Variants in RGS17 observed in about 807,000 individuals in gnomAD.
RGS17 encodes regulator of G-protein signaling 17.
In RGS17, 12 loss-of-function variants were observed where a neutral mutation model predicts 25.5. The observed-to-expected ratio is 0.47, with a 90% confidence interval of 0.30 to 0.76. The LOEUF is 0.76. Among genes scored for constraint, RGS17 ranks in the 30% least tolerant of loss-of-function variants. The probability of loss-of-function intolerance (pLI) is 0.07; values close to 1 mark genes in which losing one functional copy is unlikely to be tolerated. For missense variants in RGS17, 196 were observed against 242.2 expected (o/e 0.81, Z 1.27); for synonymous variants, 71 against 76.9 (o/e 0.92, Z 0.40).
chr6:153,067,266 C>T (rs1348738345), intron 1 of RGS17, among the ~76,000 whole-genome samples: 2 of 151,996 alleles, frequency 1.3e-5, no homozygotes, highest in African/African-American at 2.4e-5. Context: ...CAAGGATGCA[C>T]ATTTTAACCA....
At chr6:153,013,303 C>G (rs1269564828) in intron 4 of RGS17, among the ~76,000 whole-genome samples, 1 of 152,134 alleles carries the variant, frequency 6.6e-6, no homozygotes, top group African/African-American at 2.4e-5. Flanking sequence ...AGGCCATGAA[C>G]CATGCCCATA....
intron 4 of RGS17, among the ~76,000 whole-genome samples, chr6:153,018,457 T>C (rs1178512126): frequency 6.6e-6 from 1 of 152,186 alleles, no homozygotes; most frequent in Non-Finnish European, 1.5e-5. Flanking sequence ...GAAAGATTGT[T>C]GTGAGACTCA....
chr6:153,087,899 C>G (rs1249704909), intron 1 of RGS17, among the ~76,000 whole-genome samples: 2 of 152,194 alleles, frequency 1.3e-5, no homozygotes, highest in African/African-American at 4.8e-5. Context: ...AATGTATAAT[C>G]CTCTCCCCTT....
intron 1 of RGS17, among the ~76,000 whole-genome samples, chr6:153,083,078 T>G (rs1383604790): frequency 3.9e-5 from 6 of 152,152 alleles, no homozygotes. Context: ...AGAATTTCAC[T>G]TTTACATTCA....
chr6:153,029,301 G>T (rs970434342), intron 2 of RGS17, among the ~76,000 whole-genome samples: 4 of 152,108 alleles, frequency 2.6e-5, no homozygotes, highest in Non-Finnish European at 5.9e-5. Flanking sequence ...GGGTTTCAAG[G>T]TTTCAGTTAT....
At chr6:153,075,722 G>C (rs1776866870) in intron 1 of RGS17, among the ~76,000 whole-genome samples, 2 of 152,090 alleles carry the variant, frequency 1.3e-5, no homozygotes, top group South Asian at 4.1e-4. Flanking sequence ...AAATGAGAAA[G>C]ATCTCTATAA....
intron 1 of RGS17, among the ~76,000 whole-genome samples, chr6:153,115,109 G>C (rs1777524941): frequency 6.6e-6 from 1 of 152,120 alleles, no homozygotes; most frequent in Admixed American, 6.6e-5. Context: ...AAAAATAAAG[G>C]ATATTCATAT....
chr6:153,128,920 G>C (rs1394252342), intron 1 of RGS17, among the ~76,000 whole-genome samples: 1 of 152,080 alleles, frequency 6.6e-6, no homozygotes, highest in African/African-American at 2.4e-5. Flanking sequence ...GGGACTAAAC[G>C]CCAAGGAGTA....
chr6:153,071,202 C>T (rs1278085243), intron 1 of RGS17, among the ~76,000 whole-genome samples: 1 of 150,256 alleles, frequency 6.7e-6, no homozygotes, highest in Non-Finnish European at 1.5e-5. Context: ...AATATATATA[C>T]ACACAGTCTA....
intron 1 of RGS17, among the ~76,000 whole-genome samples, chr6:153,128,767 C>A (rs901308709): frequency 6.6e-6 from 1 of 151,922 alleles, no homozygotes; most frequent in Admixed American, 6.6e-5. Context: ...GAACTTAGAC[C>A]TTAAACATGA....
intron 4 of RGS17, among the ~76,000 whole-genome samples, chr6:153,013,160 C>T (rs1172484175): frequency 6.6e-6 from 1 of 152,184 alleles, no homozygotes; most frequent in Non-Finnish European, 1.5e-5. Flanking sequence ...TTTCCAATAG[C>T]GTGTGCTCAC....
intron 1 of RGS17, among the ~76,000 whole-genome samples, chr6:153,048,352 T>C (rs1584133130): frequency 6.6e-6 from 1 of 152,162 alleles, no homozygotes; most frequent in East Asian, 1.9e-4. Context: ...TCTTAACTGG[T>C]ATCTGCTACC....
At chr6:153,105,206 T>A (rs1204876832) in intron 1 of RGS17, among the ~76,000 whole-genome samples, 2 of 151,840 alleles carry the variant, frequency 1.3e-5, no homozygotes, top group Non-Finnish European at 2.9e-5. Context: ...GTCCTAGGCA[T>A]CCCAAATACG....
chr6:153,052,081 G>A (rs1228580878), intron 1 of RGS17, among the ~76,000 whole-genome samples: 1 of 152,170 alleles, frequency 6.6e-6, no homozygotes, highest in Non-Finnish European at 1.5e-5. Flanking sequence ...GTTGCAAAGG[G>A]TGGAGGAAGA....
intron 1 of RGS17, among the ~76,000 whole-genome samples, chr6:153,069,605 A>G (rs1327585956): frequency 6.6e-6 from 1 of 152,170 alleles, no homozygotes; most frequent in African/African-American, 2.4e-5. Flanking sequence ...TAAAATCACT[A>G]AAAGAGTATA....
chr6:153,092,797 T>C (rs531878103), intron 1 of RGS17, among the ~76,000 whole-genome samples: 152 of 152,338 alleles, frequency 1.0e-3, no homozygotes, highest in Non-Finnish European at 6.3e-4. Context: ...GTTTTGCTGT[T>C]GTGCATCCTT....
At chr6:153,091,105 G>T (rs1777124202) in intron 1 of RGS17, among the ~76,000 whole-genome samples, 2 of 152,108 alleles carry the variant, frequency 1.3e-5, no homozygotes, top group Admixed American at 1.3e-4. Flanking sequence ...TTTGGAATTT[G>T]CATTTCCTTA....
chr6:153,098,311 G>A (rs1200052098), intron 1 of RGS17, among the ~76,000 whole-genome samples: 1 of 152,090 alleles, frequency 6.6e-6, no homozygotes, highest in African/African-American at 2.4e-5. Flanking sequence ...TTTCCATGAT[G>A]ACCAACTAAT....
At chr6:153,052,517 C>A (rs775948192) in intron 1 of RGS17, among the ~76,000 whole-genome samples, 1 of 151,768 alleles carries the variant, frequency 6.6e-6, no homozygotes, top group Non-Finnish European at 1.5e-5. Context: ...TAGCAAAAAT[C>A]GCAATTACTT....
Sources: gnomAD v4.1 joint callset for allele counts (sites outside exome capture counted in the v4.1 genomes callset) on GRCh38, gnomAD v4.1.1 for gene constraint, MANE v1.5 for transcripts, NCBI Gene and HGNC (gene_info 2026-07-23, HGNC 2026-07-21) for gene names.